The following AK5 variants were observed in gnomAD, a reference collection of about 807,000 sequenced individuals.
The protein encoded by AK5 is adenylate kinase isoenzyme 5.
A neutral mutation model predicts 69.5 loss-of-function variants in AK5; 27 were observed. The ratio of observed to expected loss-of-function variants is 0.39; its 90% CI spans 0.29 to 0.54. The LOEUF is 0.54. AK5 is among the 20% of genes least tolerant of loss of function. The pLI is 0.71. For synonymous variants in AK5, 260 were observed against 244.4 expected, an observed-to-expected ratio of 1.06 and a Z score of -0.60; for missense variants, 531 against 700.4, an observed-to-expected ratio of 0.76 and a Z score of 2.73.
intron 8 of AK5, among the ~76,000 whole-genome samples, chr1:77,468,453 G>A (rs61784766): frequency 1.2e-4 from 19 of 152,334 alleles, no homozygotes; most frequent in Middle Eastern, 3.4e-3. Context: ...CCTGGCAGCC[G>A]TGCCTCAGAG....
chr1:77,463,388 A>G (rs759825333), intron 8 of AK5, among the ~76,000 whole-genome samples: 20 of 152,222 alleles, frequency 1.3e-4, no homozygotes, highest in Non-Finnish European at 2.8e-4. Flanking sequence ...CTGAACATCT[A>G]CTAAATGTCA....
At chr1:77,324,243 T>A (rs1260493392) in intron 5 of AK5, among the ~76,000 whole-genome samples, 1 of 152,056 alleles carries the variant, frequency 6.6e-6, no homozygotes, top group East Asian at 1.9e-4. Flanking sequence ...AATGAAAATG[T>A]CTCTTCTGTC....
intron 5 of AK5, among the ~76,000 whole-genome samples, chr1:77,323,811 A>T (rs1660653252): frequency 6.6e-6 from 1 of 152,132 alleles, no homozygotes; most frequent in Admixed American, 6.5e-5. Context: ...GATATAACAC[A>T]CACACAGAGA....
At chr1:77,290,658 T>C (rs944749307) in intron 2 of AK5, among the ~76,000 whole-genome samples, 3 of 152,226 alleles carry the variant, frequency 2.0e-5, no homozygotes, top group Non-Finnish European at 2.9e-5. Flanking sequence ...TATCTCATTA[T>C]CTTATATTCA....
chr1:77,400,909 T>A (rs1446178736), intron 6 of AK5, among the ~76,000 whole-genome samples: 1 of 146,104 alleles, frequency 6.8e-6, no homozygotes, highest in African/African-American at 2.6e-5. Context: ...TCTTCTTTCA[T>A]GATTTGTCCT....
intron 10 of AK5, among the ~76,000 whole-genome samples, chr1:77,516,198 T>G (rs1293461055): frequency 1.3e-5 from 2 of 152,180 alleles, no homozygotes; most frequent in Non-Finnish European, 2.9e-5. Flanking sequence ...TTATGCTAAG[T>G]GAAATAAGCC....
intron 8 of AK5, among the ~76,000 whole-genome samples, chr1:77,429,208 A>C (rs1651428148): frequency 6.6e-6 from 1 of 152,208 alleles, no homozygotes; most frequent in Admixed American, 6.5e-5. Flanking sequence ...ACTAGTTTAC[A>C]ATCCCACCAA....
chr1:77,491,304 A>ATTTTT (rs10700619), intron 10 of AK5, among the ~76,000 whole-genome samples: 4,842 of 87,126 alleles, frequency 0.056, 194 homozygotes, highest in Non-Finnish European at 0.071. Context: ...CATGAATTGA[A>ATTTTT]TTTTTTTTTT....
At chr1:77,448,745 G>T (rs1652917527) in intron 8 of AK5, among the ~76,000 whole-genome samples, 1 of 152,214 alleles carries the variant, frequency 6.6e-6, no homozygotes, top group South Asian at 2.1e-4. Context: ...AGAGAGAAGA[G>T]CTGTGGCCCT....
intron 5 of AK5, among the ~76,000 whole-genome samples, chr1:77,310,191 T>C (rs775803295): frequency 6.6e-6 from 1 of 152,148 alleles, no homozygotes; most frequent in Non-Finnish European, 1.5e-5. Context: ...GAACGTTTGT[T>C]GACTTGCGCA....
At position 77,404,410 on chromosome 1, in the gene AK5, C is replaced by G. The variant is rs190181952; in HGVS notation, c.892-6571C>G. Among the ~76,000 whole-genome samples, 23 of 151,962 alleles carry G rather than the reference C, an allele frequency of 1.5e-4. No individual in the cohort carries two copies. In the East Asian group the frequency reaches 4.1e-3, roughly 27 times the overall value. On this transcript the variant is annotated intron_variant, in intron 6 of 13. Transcript: ENST00000354567. ...GGGATCGTTTCTGCTTGTTAAGTAT[C>G]AACATATGTTGTTTATGAAAAACAA...
chr1:77,393,545 G>C (rs1234612328), intron 6 of AK5, among the ~76,000 whole-genome samples: 1 of 152,046 alleles, frequency 6.6e-6, no homozygotes, highest in African/African-American at 2.4e-5. Flanking sequence ...AAGTCATTTT[G>C]GACTTAAAAG....
chr1:77,498,258 C>T (rs1656474877), intron 10 of AK5, among the ~76,000 whole-genome samples: 1 of 152,132 alleles, frequency 6.6e-6, no homozygotes, highest in Non-Finnish European at 1.5e-5. Context: ...CTGGTGACAG[C>T]AGTTCCAGAG....
rs186105361 is a variant in AK5, at chr1:77,500,168, C to A, written c.1147+13816C>A. Among the ~76,000 whole-genome samples, 5 of 152,070 alleles carry A rather than the reference C, an allele frequency of 3.3e-5. No individual in the cohort carries two copies. In the East Asian group the frequency reaches 7.7e-4, roughly 24 times the overall value. On this transcript the variant is annotated intron_variant, in intron 10 of 13. Coordinates refer to ENST00000354567, the MANE Select transcript of AK5 (RefSeq NM_174858.3). ...GGCATGGCTATTTTTAAGAACTAAC[C>A]ATAACTAAGAAACTCTTCCTCTGGT...
intron 5 of AK5, among the ~76,000 whole-genome samples, chr1:77,333,457 A>C (rs1337345528): frequency 6.6e-6 from 1 of 152,072 alleles, no homozygotes; most frequent in African/African-American, 2.4e-5. Flanking sequence ...AGTATTTTAC[A>C]ATTTACCTTC....
chr1:77,400,916 T>C (rs1034285453), intron 6 of AK5, among the ~76,000 whole-genome samples: 4 of 142,938 alleles, frequency 2.8e-5, no homozygotes, highest in African/African-American at 1.1e-4. Flanking sequence ...TCATGATTTG[T>C]CCTTCTTTCA....
At chr1:77,450,103 T>TCTCTGCTAAAA (rs1332531864) in intron 8 of AK5, among the ~76,000 whole-genome samples, 1 of 151,896 alleles carries the variant, frequency 6.6e-6, no homozygotes, top group Admixed American at 6.6e-5. Flanking sequence ...ACAGCAAGAG[T>TCTCTGCTAAAA]CACCTTTGCT....
rs978069809 is a variant in AK5 at position 77,516,272 on chromosome 1, A to G, written c.1148-2292A>G. Among the ~76,000 whole-genome samples the G allele has an allele frequency of 2.6e-5, 4 of 152,194 alleles. No individual in the cohort carries two copies. In the South Asian group the frequency reaches 6.2e-4, roughly 24 times the overall value. ...CGTGGAATCATAAAAAGTCAAATTC[A>G]TGGAAGCAGATTGTAAGAATGGTGG... On this transcript the variant is annotated intron_variant, in intron 10 of 13. Coordinates refer to ENST00000354567, the MANE Select transcript of AK5 (RefSeq NM_174858.3).
chr1:77,338,147 T>G (rs1356808417), intron 5 of AK5, among the ~76,000 whole-genome samples: 1 of 152,072 alleles, frequency 6.6e-6, no homozygotes, highest in Non-Finnish European at 1.5e-5. Flanking sequence ...TTATTTTTAG[T>G]AGAGACGGGG....
Sources: allele counts gnomAD v4.1 joint callset (sites outside exome capture counted in the v4.1 genomes callset), GRCh38; gene constraint gnomAD v4.1.1; transcripts MANE v1.5; gene names NCBI Gene and HGNC (gene_info 2026-07-23, HGNC 2026-07-21).